Variants in ACACA observed in about 807,000 individuals in gnomAD.
ACACA encodes the protein acetyl-CoA carboxylase alpha.
A neutral mutation model predicts 296.1 loss-of-function variants in ACACA; 103 were observed. The observed-to-expected ratio is 0.35, with a 90% CI of 0.30 to 0.41. ACACA has a LOEUF of 0.41. ACACA is among the 10% of genes least tolerant of loss of function. The pLI is 1.00. For missense variants in ACACA, 1,554 were observed against 2,989.7 expected (o/e 0.52, Z 11.20); for synonymous variants, 953 against 1,038.6 (o/e 0.92, Z 1.58).
Position 37,085,510 on chromosome 17 carries a change from A to G in ACACA, c.*1806T>C. ...AAGCATAGAAGAATAATCTGGTCAA[A>G]AATGAATCCAATTCTTACTAGGTAA... is the stretch of plus-strand genomic sequence containing the variant. On this transcript the variant is annotated 3_prime_UTR_variant, in exon 56 of 56. Coordinates refer to ENST00000616317, the MANE Select transcript of ACACA (RefSeq NM_198834.3). 1 of 398,126 alleles carries G rather than the reference A, an allele frequency of 2.5e-6. No homozygotes were observed. The highest frequency in any genetic ancestry group is 2.1e-5 in the African/African-American group (1 of 48,754). The allele number at this position is 398,126 out of a possible 1,614,324, so 24.7% of individuals were successfully genotyped here. A position where few individuals can be genotyped will look rare whatever the true frequency, so the allele number is the denominator to read the frequency against.
chr17:37,189,931 T>C (rs1332014875), intron 38 of ACACA, among the ~76,000 whole-genome samples: 1 of 151,724 alleles, frequency 6.6e-6, no homozygotes, highest in Non-Finnish European at 1.5e-5. Flanking sequence ...TCCCAGCACT[T>C]TGGGAGTCTG....
chr17:37,125,411 A>G (rs1452632795), intron 48 of ACACA, among the ~76,000 whole-genome samples: 1 of 152,178 alleles, frequency 6.6e-6, no homozygotes, highest in Non-Finnish European at 1.5e-5. Flanking sequence ...GGCTCTGGCT[A>G]TTGTAGTTGG....
In ACACA at chr17:37,284,936, C is replaced by T. The variant is rs778310964; in HGVS notation, c.373G>A (p.Gly125Ser). The change falls in exon 4 of 56, where the codon GGC (glycine) becomes AGC (serine). Residue 125 changes from glycine to serine, a missense_variant. Physicochemically the swap from Gly to Ser is moderately conservative, Grantham distance 56. Coordinates refer to ENST00000616317, the MANE Select transcript of ACACA (RefSeq NM_198834.3). ...SMSGLHLVKQGRDRKKIDSQR... is the reference protein window; with the variant it reads ...SMSGLHLVKQSRDRKKIDSQR... The stretch of plus-strand genomic sequence containing the variant: ...GAATCTATTTTCTTTCTGTCTCGGC[C>T]CTGCTTTACTAGGTGCAAGCCAGAC... 4 of 1,614,092 alleles carry T rather than the reference C, an allele frequency of 2.5e-6. No homozygotes were observed. Among genetic ancestry groups the T allele is most frequent in the Non-Finnish European group, 3.4e-6 (4 of 1,180,018 alleles).
chr17:37,310,793 CAAAAAAAAAAAA>C (rs74268026), intron 3 of ACACA, among the ~76,000 whole-genome samples: 2 of 50,510 alleles, frequency 4.0e-5, no homozygotes, highest in Non-Finnish European at 7.9e-5. Flanking sequence ...GACACCATCT[CAAAAAAAAAAAA>C]AAAAAAAAAG....
chr17:37,377,862 C>A (rs779438195), intron 1 of ACACA: 45 of 1,607,936 alleles, frequency 2.8e-5, no homozygotes, highest in Non-Finnish European at 3.7e-5. Flanking sequence ...CCCTCCTCCC[C>A]CTCTGCTCAC....
intron 3 of ACACA, chr17:37,301,296 G>C (rs1212188189): frequency 1.2e-6 from 1 of 810,692 alleles, no homozygotes; most frequent in Non-Finnish European, 1.5e-6. Context: ...TAGAATACAA[G>C]AAATAAAAAG....
At position 37,248,139 on chromosome 17, in the gene ACACA, G is replaced by T. The variant is rs1342516040; in HGVS notation, c.2181C>A (p.Pro727=). The T allele has an allele frequency of 6.2e-7, 1 of 1,614,184 alleles. No homozygotes were observed. The highest frequency in any genetic ancestry group is 8.5e-7 in the Non-Finnish European group (1 of 1,180,032). ...CATTCATGATCACCACATAGGAGTT[G>T]GGGGACTGTCGAGTCACCTGTAGGG... The part of the protein sequence containing the change: ...KYVLKVTRQS[P]NSYVVIMNGS... Residue 727 remains proline (P), a synonymous_variant, in exon 18 of 56, where the codon CCC becomes CCA. Coordinates refer to ENST00000616317, the MANE Select transcript of ACACA (RefSeq NM_198834.3).
chr17:37,339,316 AAG>A (rs1194305554), intron 2 of ACACA, among the ~76,000 whole-genome samples: 1 of 152,220 alleles, frequency 6.6e-6, no homozygotes, highest in East Asian at 1.9e-4. Context: ...GGAGAAGAAA[AAG>A]AGAGTTAATA....
intron 6 of ACACA, among the ~76,000 whole-genome samples, chr17:37,277,376 G>A (rs374681049): frequency 1.3e-5 from 2 of 152,170 alleles, no homozygotes; most frequent in East Asian, 3.8e-4. Flanking sequence ...TGCTCTTTAG[G>A]AAACTCAATT....
chr17:37,260,879 T>TG (rs955334748), intron 11 of ACACA, among the ~76,000 whole-genome samples: 7 of 152,182 alleles, frequency 4.6e-5, no homozygotes, highest in East Asian at 1.9e-4. Flanking sequence ...CTTCTATTTT[T>TG]GGGGGGGTCC....
chr17:37,403,903 G>T (rs1191133687), intron 1 of ACACA, among the ~76,000 whole-genome samples: 1 of 152,108 alleles, frequency 6.6e-6, no homozygotes, highest in Admixed American at 6.6e-5. Flanking sequence ...CTCCCAAGAA[G>T]CTGGGATTAC....
chr17:37,151,334 T>C lies in ACACA; in HGVS notation c.5535A>G (p.Ser1845=). The part of the protein sequence containing the change: ...RGSGMIAGES[S]LAYNEIITIS... ...TGGTAATGATCTCATTATAGGCCAA[T>C]GAGGATTCTCCAGCAATCATTCCAG... Residue 1845 remains serine (S), a synonymous_variant, in exon 44 of 56, where the codon TCA becomes TCG. Transcript: ENST00000616317. 6.2e-7 allele frequency: 1 copy of C among 1,614,084 alleles called. No individual in the cohort carries two copies. The highest frequency in any genetic ancestry group is 8.5e-7 in the Non-Finnish European group (1 of 1,180,006).
At chr17:37,366,644 T>C (rs1323710678) in intron 1 of ACACA, among the ~76,000 whole-genome samples, 1 of 152,014 alleles carries the variant, frequency 6.6e-6, no homozygotes, top group African/African-American at 2.4e-5. Context: ...AATTTTTGTA[T>C]ATTTAGTAGA....
At chr17:37,267,614 G>T (rs918250705) in intron 10 of ACACA, among the ~76,000 whole-genome samples, 1 of 151,590 alleles carries the variant, frequency 6.6e-6, no homozygotes, top group African/African-American at 2.4e-5. Flanking sequence ...AGGCTGGAAT[G>T]CAGTGGCATG....
chr17:37,303,172 C>A (rs2083711527), intron 3 of ACACA, among the ~76,000 whole-genome samples: 1 of 152,298 alleles, frequency 6.6e-6, no homozygotes, highest in East Asian at 1.9e-4. Flanking sequence ...CAATATGCTC[C>A]CCAATCCTAG....
rs900752297 is a variant in ACACA at position 37,085,195 on chromosome 17, T to G, written c.*2121A>C. 14 of 160,808 alleles carry G rather than the reference T, an allele frequency of 8.7e-5. No individual in the cohort carries two copies. The highest frequency in any genetic ancestry group is 3.3e-4 in the African/African-American group (14 of 41,848). The allele number at this position is 160,808 out of a possible 1,614,324, so 10.0% of individuals were successfully genotyped here. ...TATACTCCTCCTGCCTTAGTAGCCT[T>G]GCATGTTTGAGGGGCTGTGGGAATG... On this transcript the variant is annotated 3_prime_UTR_variant, in exon 56 of 56. Coordinates refer to ENST00000616317, the MANE Select transcript of ACACA (RefSeq NM_198834.3).
chr17:37,188,129 C>T, intron 39 of ACACA, 148 bp downstream of exon 39: 2 of 847,232 alleles, frequency 2.4e-6, no homozygotes, highest in Non-Finnish European at 3.9e-6. Flanking sequence ...TGAAGTTTTT[C>T]AAATTCATAC....
intron 1 of ACACA, among the ~76,000 whole-genome samples, chr17:37,396,875 C>T (rs1459802236): frequency 6.6e-6 from 1 of 152,022 alleles, no homozygotes; most frequent in Non-Finnish European, 1.5e-5. Flanking sequence ...CTTATCTTCC[C>T]TATTATTAGT....
Position 37,244,734 on chromosome 17 carries a change from C to T in ACACA, c.2596G>A (p.Ala866Thr), listed in dbSNP as rs376857311. The T allele has an allele frequency of 2.8e-5, 46 of 1,614,046 alleles. No individual in the cohort carries two copies. The highest frequency in any genetic ancestry group is 3.9e-5 in the Non-Finnish European group (46 of 1,180,032). Reference protein sequence around the residue: ...QLDNPSKVQQAELHTGSLPRI... With the variant: ...QLDNPSKVQQTELHTGSLPRI... The stretch of plus-strand genomic sequence containing the variant: ...GGCAGACTACCTGTGTGAAGTTCAG[C>T]CTGTCAACCCCAACAAGAGATCAAG... The change falls in exon 21 of 56, where the codon GCT becomes ACT. Residue 866 changes from alanine (A) to threonine (T), a missense_variant and splice_region_variant. By Grantham distance (58) the Ala-to-Thr change is moderately conservative. Around this residue, in one of 16 missense-constraint regions of ACACA, gnomAD observed 316 missense variants for 540.9 expected, o/e 0.58. Transcript: ENST00000616317.
Sources: allele counts gnomAD v4.1 joint callset (sites outside exome capture counted in the v4.1 genomes callset), GRCh38; gene constraint gnomAD v4.1.1; regional missense constraint gnomAD v4.1.1; transcripts MANE v1.5; gene names NCBI Gene and HGNC (gene_info 2026-07-23, HGNC 2026-07-21).